The following CHD6 variants were observed in gnomAD, a reference collection of about 807,000 sequenced individuals.
The protein encoded by CHD6 is chromodomain helicase DNA binding protein 6.
A neutral mutation model predicts 276.9 loss-of-function variants in CHD6; 50 were observed. The ratio of observed to expected loss-of-function variants is 0.18; its 90% CI spans 0.14 to 0.23. The LOEUF (loss-of-function observed/expected upper bound fraction) is 0.23. Ranked by LOEUF, CHD6 falls within the 10% of genes least tolerant of loss-of-function variation. The probability of loss-of-function intolerance (pLI) is 1.00; values close to 1 mark genes in which losing one functional copy is unlikely to be tolerated. For missense variants in CHD6, 2,564 were observed against 3,365.8 expected (o/e 0.76, Z 5.89); for synonymous variants, 1,173 against 1,229.3 (o/e 0.95, Z 0.96).
chr20:41,438,633 C>T (rs897614408), intron 26 of CHD6, among the ~76,000 whole-genome samples: 2 of 152,092 alleles, frequency 1.3e-5, no homozygotes, highest in African/African-American at 4.8e-5. Context: ...GAAATATTTG[C>T]GTCCCAAATA....
At chr20:41,523,064 T>C (rs961682696) in intron 3 of CHD6, among the ~76,000 whole-genome samples, 2 of 152,184 alleles carry the variant, frequency 1.3e-5, no homozygotes, top group African/African-American at 4.8e-5. Flanking sequence ...TTGAGAGGAA[T>C]GCATTTGCAA....
At chr20:41,428,697 A>C (rs1294390880) in intron 27 of CHD6, among the ~76,000 whole-genome samples, 4 of 152,190 alleles carry the variant, frequency 2.6e-5, no homozygotes, top group African/African-American at 9.7e-5. Context: ...ATATACCTCA[A>C]ATGCCATTAA....
At chr20:41,590,003 G>A (rs558312785) in intron 1 of CHD6, among the ~76,000 whole-genome samples, 55 of 218 alleles carry the variant, frequency 0.25, no homozygotes, top group African/African-American at 0.45. Context: ...CATGGTACGG[G>A]TACAAAACAG....
chr20:41,581,942 T>C lies in CHD6; in HGVS notation c.-23-30582A>G, dbSNP rs141467359. On this transcript the variant is annotated intron_variant, in intron 1 of 36. Transcript: ENST00000373233. ...ATAACTAGGAGAGAAAATGTATGTC[T>C]TCTCTGTATAAAAGCAACTTCCTCA... Among the ~76,000 whole-genome samples the C allele has an allele frequency of 1.1e-3, 161 of 152,310 alleles. 2 individuals carry two copies. The highest frequency in any genetic ancestry group is 2.9e-3 in the Admixed American group (45 of 15,298).
chr20:41,574,649 T>G (rs1208322177), intron 1 of CHD6, among the ~76,000 whole-genome samples: 1 of 152,172 alleles, frequency 6.6e-6, no homozygotes, highest in African/African-American at 2.4e-5. Context: ...GTCTAAAGAA[T>G]ATGCAGAACG....
At position 41,489,921 on chromosome 20, in the gene CHD6, G is replaced by A; in HGVS notation, c.1537C>T (p.Leu513Phe). The stretch of plus-strand genomic sequence containing the variant: ...ATGGTGGAGAGAGGGGCGATAATGA[G>A]AAAAGGGCCGTGGATTCCTCTCAGA... ...IFLRGIHGPF[L>F]IIAPLSTITN... Residue 513 changes from leucine to phenylalanine, a missense_variant, in exon 12 of 37, where the codon CTC becomes TTC. Physicochemically the swap from Leu to Phe is conservative, Grantham distance 22. Around this residue, in one of 7 missense-constraint regions of CHD6, gnomAD observed 457 missense variants for 889.0 expected, o/e 0.51. Transcript: ENST00000373233. 6.2e-7 allele frequency: 1 copy of A among 1,614,088 alleles called. No homozygotes were observed. The highest frequency in any genetic ancestry group is 8.5e-7 in the Non-Finnish European group (1 of 1,179,970).
rs138612296 is a variant in CHD6 at position 41,425,364 on chromosome 20, G to A, written c.4160C>T (p.Pro1387Leu). ...AQDGSDPDKS[P>L]WPVSSALTAR... ...TGTGAGGGCGGAGGAAACTGGCCAG[G>A]GCGATTTGTCTGGGTCGGAGCCATC... The change falls in exon 29 of 37, where the codon CCC (proline) becomes CTC (leucine). Residue 1387 changes from proline to leucine, a missense_variant. By Grantham distance (98) the Pro-to-Leu change is moderately conservative (BLOSUM62 -3). Around this residue, in one of 7 missense-constraint regions of CHD6, gnomAD observed 515 missense variants for 739.5 expected, o/e 0.70. Coordinates refer to ENST00000373233, the MANE Select transcript of CHD6 (RefSeq NM_032221.5). 194 of 1,614,020 alleles carry A rather than the reference G, an allele frequency of 1.2e-4. No homozygotes were observed. Among genetic ancestry groups the A allele is most frequent in the Middle Eastern group, 9.9e-4 (6 of 6,064 alleles).
At chr20:41,469,420 C>T (rs1031517091) in intron 17 of CHD6, among the ~76,000 whole-genome samples, 5 of 152,180 alleles carry the variant, frequency 3.3e-5, no homozygotes, top group African/African-American at 9.7e-5. Flanking sequence ...GGTTTGTGGT[C>T]TCTGAGGGGA....
intron 26 of CHD6, among the ~76,000 whole-genome samples, chr20:41,438,956 G>C (rs2145590062): frequency 6.6e-6 from 1 of 152,344 alleles, no homozygotes; most frequent in East Asian, 1.9e-4. Flanking sequence ...CAAATAGTTA[G>C]GGGCTCCTGG....
chr20:41,448,494 A>G (rs1026124342), intron 23 of CHD6, among the ~76,000 whole-genome samples: 1 of 152,234 alleles, frequency 6.6e-6, no homozygotes, highest in African/African-American at 2.4e-5. Flanking sequence ...TGCATCAAAC[A>G]TGTCTCAGAC....
intron 27 of CHD6, among the ~76,000 whole-genome samples, chr20:41,436,781 C>T (rs2047722878): frequency 6.6e-6 from 1 of 151,988 alleles, no homozygotes; most frequent in Non-Finnish European, 1.5e-5. Context: ...CTGTATGATT[C>T]CATTTACAGA....
intron 23 of CHD6, among the ~76,000 whole-genome samples, chr20:41,449,004 C>T (rs760515035): frequency 4.0e-5 from 6 of 151,856 alleles, no homozygotes; most frequent in African/African-American, 9.7e-5. Flanking sequence ...TGGGTTCAAG[C>T]GGTTCTCCTG....
chr20:41,552,545 A>T (rs2045161965), intron 1 of CHD6, among the ~76,000 whole-genome samples: 1 of 152,222 alleles, frequency 6.6e-6, no homozygotes, highest in South Asian at 2.1e-4. Flanking sequence ...GTCAATTTGC[A>T]ATTTAAAAAA....
chr20:41,452,627 T>G lies in CHD6; in HGVS notation c.3323+113A>C. The G allele has an allele frequency of 1.1e-6, 1 of 917,230 alleles. No individual in the cohort carries two copies. Among genetic ancestry groups the G allele is most frequent in the Non-Finnish European group, 1.7e-6 (1 of 596,032 alleles). The allele number at this position is 917,230 out of a possible 1,614,324, so 56.8% of individuals were successfully genotyped here. On this transcript the variant is annotated intron_variant, in intron 21 of 36. Coordinates refer to ENST00000373233, the MANE Select transcript of CHD6 (RefSeq NM_032221.5). This position sits in a 1 kb window ranked among gnomAD's most constrained non-coding sequence, Gnocchi z 4.2. Reference sequence around the variant, plus strand: ...TCTCTTGCTCCAACAGATCCCCCTTTGCCCTATAATTCCAAAGGTGACTGG... The same window carrying G: ...TCTCTTGCTCCAACAGATCCCCCTTGGCCCTATAATTCCAAAGGTGACTGG...
Position 41,514,576 on chromosome 20 carries a change from C to T in CHD6, c.702+229G>A, listed in dbSNP as rs6072396. Among the ~76,000 whole-genome samples, 918 of 152,284 alleles carry T rather than the reference C, an allele frequency of 6.0e-3. 6 individuals are homozygous for T. The highest frequency in any genetic ancestry group is 0.017 in the Middle Eastern group (5 of 294). On this transcript the variant is annotated intron_variant, in intron 4 of 36. Coordinates refer to ENST00000373233, the MANE Select transcript of CHD6 (RefSeq NM_032221.5). ...CCCTCTGCAGCCTAATATCCTGCTA[C>T]CTTCCAGGAATGAGGCAAATACCAC...
chr20:41,436,192 T>C (rs1600852714), intron 27 of CHD6, among the ~76,000 whole-genome samples: 2 of 152,064 alleles, frequency 1.3e-5, no homozygotes, highest in East Asian at 3.9e-4. Flanking sequence ...AATTAGAATA[T>C]AGGCAAGAGA....
Position 41,404,163 on chromosome 20 carries a change from G to C in CHD6, c.*430C>G. ...CTTTTTCTGTGCTTTTTGGTTCCCT[G>C]TGACATTCTTCCTGTGCAACCCAGC... On this transcript the variant is annotated 3_prime_UTR_variant, in exon 37 of 37. Transcript: ENST00000373233. 1.9e-6 allele frequency: 2 copies of C among 1,062,052 alleles called. No individual in the cohort carries two copies. Among genetic ancestry groups the C allele is most frequent in the South Asian group, 9.1e-5 (2 of 21,938 alleles). The allele number at this position is 1,062,052 out of a possible 1,614,324, so 65.8% of individuals were successfully genotyped here.
intron 16 of CHD6, among the ~76,000 whole-genome samples, chr20:41,476,060 C>T (rs1462991911): frequency 6.6e-6 from 1 of 152,104 alleles, no homozygotes; most frequent in South Asian, 2.1e-4. Flanking sequence ...ATCCTCTGGC[C>T]ATGCCCTCAT....
At position 41,499,425 on chromosome 20, in the gene CHD6, G is replaced by A. The variant is rs560022529; in HGVS notation, c.853-68C>T. 86 of 1,252,782 alleles carry A rather than the reference G, an allele frequency of 6.9e-5. No individual in the cohort carries two copies. In the Middle Eastern group the frequency reaches 1.1e-3, roughly 16 times the overall value. 77.6% of individuals were successfully genotyped at this position (1,252,782 alleles called of 1,614,324 possible). Reference sequence around the variant, plus strand: ...AGAATCCAAGAAAACAATTCTGTAAGAAATACTACAATGGGTACTACTTCA... The same window carrying A: ...AGAATCCAAGAAAACAATTCTGTAAAAAATACTACAATGGGTACTACTTCA... On this transcript the variant is annotated intron_variant, in intron 5 of 36. Transcript: ENST00000373233.
Sources: gnomAD v4.1 joint callset for allele counts (sites outside exome capture counted in the v4.1 genomes callset) on GRCh38, gnomAD v4.1.1 for gene constraint, gnomAD v4.1.1 regional missense constraint, Gnocchi (gnomAD v3.1) non-coding constraint, MANE v1.5 for transcripts, NCBI Gene and HGNC (gene_info 2026-07-23, HGNC 2026-07-21) for gene names.